Variants in ZHX3 observed in about 807,000 individuals in gnomAD.
The protein encoded by ZHX3 is zinc fingers and homeoboxes protein 3.
Under a neutral mutation model 64.5 loss-of-function variants are expected in ZHX3, and 20 were observed. The ratio of observed to expected loss-of-function variants is 0.31; its 90% CI spans 0.22 to 0.45. The LOEUF is 0.45. ZHX3 is among the 20% of genes least tolerant of loss of function. The probability of loss-of-function intolerance (pLI) is 1.00; values close to 1 mark genes in which losing one functional copy is unlikely to be tolerated. For synonymous variants in ZHX3, 423 were observed against 461.6 expected (o/e 0.92, Z 1.07); for missense variants, 1,041 against 1,195.8 (o/e 0.87, Z 1.91).
chr20:41,316,339 A>G (rs1007130709), intron 1 of ZHX3, among the ~76,000 whole-genome samples: 2 of 152,166 alleles, frequency 1.3e-5, no homozygotes, highest in South Asian at 4.2e-4. Context: ...TTAAGCTCGA[A>G]TAAGTTGTTC....
At chr20:41,243,022 C>A (rs1259935610) in intron 2 of ZHX3, among the ~76,000 whole-genome samples, 1 of 152,202 alleles carries the variant, frequency 6.6e-6, no homozygotes, top group Non-Finnish European at 1.5e-5. Context: ...CCCTCTCATG[C>A]CTCAGCAGTC....
intron 2 of ZHX3, among the ~76,000 whole-genome samples, chr20:41,208,681 G>A (rs2038920954): frequency 6.6e-6 from 1 of 152,070 alleles, no homozygotes; most frequent in African/African-American, 2.4e-5. Context: ...AGGTATTGAT[G>A]GGACGTATCT....
chr20:41,205,144 A>G, intron 2 of ZHX3, 78 bp from the exon 3 acceptor site: 1 of 601,948 alleles, frequency 1.7e-6, no homozygotes, highest in Non-Finnish European at 2.5e-6. Context: ...GACACATTCC[A>G]CTGCTTGCCT....
intron 2 of ZHX3, among the ~76,000 whole-genome samples, chr20:41,263,235 G>A (rs962992924): frequency 3.9e-5 from 6 of 151,994 alleles, no homozygotes; most frequent in East Asian, 1.9e-4. Context: ...ATGAAATAAT[G>A]ATAATGAAGT....
In ZHX3 at chr20:41,212,014, G is replaced by A. The variant is rs148090389; in HGVS notation, c.-150-6948C>T. On this transcript the variant is annotated intron_variant, in intron 2 of 3. Coordinates refer to ENST00000683867, the MANE Select transcript of ZHX3 (RefSeq NM_001384317.1). This position sits in a 1 kb window ranked among gnomAD's most constrained non-coding sequence, Gnocchi z 4.3. ...AAGACATCAAGTAGAATATCTGAAA[G>A]CACAAACGACAAAAGAAAAAACAGA... 6.6e-5 allele frequency among the ~76,000 whole-genome samples: 10 copies of A among 152,102 alleles called. No individual in the cohort carries two copies. The highest frequency in any genetic ancestry group is 1.9e-4 in the African/African-American group (8 of 41,432).
At chr20:41,288,893 T>A (rs531686269) in intron 1 of ZHX3, among the ~76,000 whole-genome samples, 2 of 152,358 alleles carry the variant, frequency 1.3e-5, no homozygotes, top group African/African-American at 4.8e-5. Flanking sequence ...TGTTTTGCAA[T>A]TATTTAATAC....
intron 2 of ZHX3, among the ~76,000 whole-genome samples, chr20:41,260,910 G>C (rs958284072): frequency 2.0e-5 from 3 of 152,166 alleles, no homozygotes; most frequent in East Asian, 1.9e-4. Context: ...GTCTGGTTCC[G>C]GGCCCATGCT....
At chr20:41,239,925 G>C (rs1325730503) in intron 2 of ZHX3, among the ~76,000 whole-genome samples, 2 of 152,096 alleles carry the variant, frequency 1.3e-5, no homozygotes, top group Non-Finnish European at 2.9e-5. Flanking sequence ...AGAATGTCTT[G>C]GAACTGTGTT....
intron 2 of ZHX3, among the ~76,000 whole-genome samples, chr20:41,209,050 G>A (rs2038952024): frequency 1.3e-5 from 2 of 152,104 alleles, no homozygotes; most frequent in South Asian, 4.1e-4. Flanking sequence ...ACCAATAACA[G>A]ACAAACAGAG....
intron 1 of ZHX3, among the ~76,000 whole-genome samples, chr20:41,304,501 C>G (rs1024599438): frequency 6.6e-6 from 1 of 152,192 alleles, no homozygotes; most frequent in Admixed American, 6.5e-5. Context: ...CTTACTGCAT[C>G]CATAAGGAGA....
chr20:41,258,059 CCAGATAATTTT>C (rs2042360885), intron 2 of ZHX3, among the ~76,000 whole-genome samples: 1 of 150,894 alleles, frequency 6.6e-6, no homozygotes, highest in Admixed American at 6.6e-5. Context: ...GCCACCATGC[CCAGATAATTTT>C]TGTATTTTTA....
intron 3 of ZHX3, among the ~76,000 whole-genome samples, chr20:41,187,627 T>G (rs1568780864): frequency 6.6e-6 from 1 of 152,228 alleles, no homozygotes; most frequent in Non-Finnish European, 1.5e-5. Context: ...CCATTGGTTT[T>G]GTATGTCTCT....
intron 2 of ZHX3, among the ~76,000 whole-genome samples, chr20:41,237,210 C>G (rs1230008048): frequency 6.6e-6 from 1 of 152,182 alleles, no homozygotes; most frequent in Non-Finnish European, 1.5e-5. Flanking sequence ...TGTGGCGATT[C>G]CTCAGGGATC....
intron 1 of ZHX3, among the ~76,000 whole-genome samples, chr20:41,274,806 T>C (rs2043305320): frequency 6.6e-6 from 1 of 152,196 alleles, no homozygotes; most frequent in Non-Finnish European, 1.5e-5. Flanking sequence ...TGTCAATGTA[T>C]AAGCTACATG....
intron 1 of ZHX3, among the ~76,000 whole-genome samples, chr20:41,294,526 G>A (rs942831388): frequency 6.6e-6 from 1 of 151,772 alleles, no homozygotes; most frequent in African/African-American, 2.4e-5. Context: ...CCACACCTGG[G>A]TAATTTTTGT....
chr20:41,215,705 A>AGG (rs959002848), intron 2 of ZHX3, among the ~76,000 whole-genome samples: 82 of 145,098 alleles, frequency 5.7e-4, no homozygotes, highest in Non-Finnish European at 9.6e-4. Flanking sequence ...GAGGCCAAGG[A>AGG]GGGTGGATCA....
intron 2 of ZHX3, among the ~76,000 whole-genome samples, chr20:41,239,169 AT>A (rs796438352): frequency 1.6e-3 from 234 of 142,344 alleles, no homozygotes; most frequent in Middle Eastern, 3.6e-3. Context: ...TGCCCCGCTA[AT>A]TTTTTTTTTT....
intron 1 of ZHX3, among the ~76,000 whole-genome samples, chr20:41,271,281 G>C (rs1315789828): frequency 6.6e-6 from 1 of 152,188 alleles, no homozygotes; most frequent in African/African-American, 2.4e-5. Context: ...GCCTCCCAAA[G>C]TGCTGGGATT....
chr20:41,212,390 T>A lies in ZHX3; in HGVS notation c.-150-7324A>T, dbSNP rs1275309278. Among the ~76,000 whole-genome samples, 1 of 152,124 alleles carries A rather than the reference T, an allele frequency of 6.6e-6. No individual in the cohort carries two copies. The highest frequency in any genetic ancestry group is 1.5e-5 in the Non-Finnish European group (1 of 68,028). ...TACAGCGACAGATAACAAGTATAGA[T>A]GAGGATGCAGAGAAACTGGAGCCCT... On this transcript the variant is annotated intron_variant, in intron 2 of 3. Coordinates refer to ENST00000683867, the MANE Select transcript of ZHX3 (RefSeq NM_001384317.1). This position sits in a 1 kb window ranked among gnomAD's most constrained non-coding sequence, Gnocchi z 4.3.
Sources: gnomAD v4.1 joint callset for allele counts (sites outside exome capture counted in the v4.1 genomes callset) on GRCh38, gnomAD v4.1.1 for gene constraint, Gnocchi (gnomAD v3.1) non-coding constraint, MANE v1.5 for transcripts, NCBI Gene and HGNC (gene_info 2026-07-23, HGNC 2026-07-21) for gene names.